The following CRADD variants were observed in gnomAD, a reference collection of about 807,000 sequenced individuals.
CRADD encodes death domain-containing protein CRADD.
A neutral mutation model predicts 15.5 loss-of-function variants in CRADD; 9 were observed. The ratio of observed to expected loss-of-function variants is 0.58; its 90% CI spans 0.35 to 1.01. The LOEUF is 1.01. CRADD is among the 50% of genes least tolerant of loss of function. The pLI is 0.02. For missense variants in CRADD, 227 were observed against 250.3 expected (o/e 0.91, Z 0.63); for synonymous variants, 118 against 107.6 (o/e 1.10, Z -0.60).
chr12:93,819,731 G>A (rs1475913982), intron 2 of CRADD, among the ~76,000 whole-genome samples: 1 of 152,246 alleles, frequency 6.6e-6, no homozygotes, highest in Non-Finnish European at 1.5e-5. Flanking sequence ...TAAGAGGGCA[G>A]GGAGCTGACT....
intron 2 of CRADD, among the ~76,000 whole-genome samples, chr12:93,813,202 C>G (rs1253307775): frequency 6.6e-6 from 1 of 152,198 alleles, no homozygotes; most frequent in Non-Finnish European, 1.5e-5. Context: ...AGTCCCTTTC[C>G]TTTTATCACT....
At chr12:93,878,838 A>G (rs1048843292) in intron 2 of CRADD, among the ~76,000 whole-genome samples, 1 of 152,142 alleles carries the variant, frequency 6.6e-6, no homozygotes, top group African/African-American at 2.4e-5. Context: ...TGGCTCTTTC[A>G]TCGGTATGAA....
intron 2 of CRADD, among the ~76,000 whole-genome samples, chr12:93,700,169 A>G (rs1380707767): frequency 6.6e-6 from 1 of 152,182 alleles, no homozygotes; most frequent in Non-Finnish European, 1.5e-5. Context: ...AGTTTTTCTC[A>G]CTAAATCTAG....
intron 2 of CRADD, among the ~76,000 whole-genome samples, chr12:93,757,746 A>T (rs1207669541): frequency 6.6e-6 from 1 of 152,214 alleles, no homozygotes; most frequent in East Asian, 1.9e-4. Context: ...TCTGTAGGAA[A>T]AGAATTGTTA....
Position 93,689,056 on chromosome 12 carries a change from T to C in CRADD, c.298+9984T>C, listed in dbSNP as rs12302454. ...AAGACCATACGGTGGGGAGGGGTCA[T>C]GGAACAGAGCCCCTGAATCTCTCCC... On this transcript the variant is annotated intron_variant, in intron 2 of 2. Coordinates refer to ENST00000332896, the MANE Select transcript of CRADD (RefSeq NM_003805.5). 9.2e-3 allele frequency among the ~76,000 whole-genome samples: 1,400 copies of C among 152,244 alleles called. 15 individuals are homozygous for C. Among genetic ancestry groups the C allele is most frequent in the African/African-American group, 0.032 (1,342 of 41,530 alleles).
At chr12:93,880,845 C>T (rs1383857283) in intron 2 of CRADD, among the ~76,000 whole-genome samples, 2 of 152,180 alleles carry the variant, frequency 1.3e-5, no homozygotes, top group African/African-American at 2.4e-5. Context: ...TCTAGTTGAC[C>T]TTTGTTGATA....
intron 2 of CRADD, among the ~76,000 whole-genome samples, chr12:93,865,902 G>A (rs191820016): frequency 6.6e-6 from 1 of 152,056 alleles, no homozygotes; most frequent in African/African-American, 2.4e-5. Flanking sequence ...GAGCTTATAT[G>A]TCTGGAAAAG....
intron 2 of CRADD, among the ~76,000 whole-genome samples, chr12:93,744,465 C>G (rs1299106431): frequency 6.6e-6 from 1 of 152,104 alleles, no homozygotes; most frequent in African/African-American, 2.4e-5. Flanking sequence ...TTACAGTGGC[C>G]CAACTGGATA....
intron 2 of CRADD, chr12:93,848,880 C>T (rs1250287345): frequency 6.6e-6 from 1 of 152,200 alleles, no homozygotes; most frequent in Admixed American, 6.5e-5. Flanking sequence ...GAATCTAGTT[C>T]AGGAAGTGTA....
intron 2 of CRADD, among the ~76,000 whole-genome samples, chr12:93,781,983 C>A (rs1957215297): frequency 6.6e-6 from 1 of 152,078 alleles, no homozygotes; most frequent in Non-Finnish European, 1.5e-5. Flanking sequence ...CCCAGCCATC[C>A]CATTACTGGG....
At chr12:93,830,369 T>C (rs1012585924) in intron 2 of CRADD, among the ~76,000 whole-genome samples, 1 of 152,194 alleles carries the variant, frequency 6.6e-6, no homozygotes. Context: ...TAGTGGAACA[T>C]GAAATCAATT....
chr12:93,870,386 G>A (rs934543638), intron 2 of CRADD, among the ~76,000 whole-genome samples: 9 of 152,176 alleles, frequency 5.9e-5, no homozygotes, highest in African/African-American at 1.9e-4. Context: ...CCCTGAGAAT[G>A]TGCAACTAAG....
chr12:93,862,200 C>T (rs1056272553), intron 2 of CRADD, among the ~76,000 whole-genome samples: 1 of 152,150 alleles, frequency 6.6e-6, no homozygotes, highest in Non-Finnish European at 1.5e-5. Flanking sequence ...TAGCCATCAG[C>T]ACGTCCACCA....
intron 2 of CRADD, among the ~76,000 whole-genome samples, chr12:93,750,855 A>AG (rs1956820920): frequency 6.6e-6 from 1 of 152,224 alleles, no homozygotes; most frequent in African/African-American, 2.4e-5. Context: ...ATGTCACAAT[A>AG]AGGGAAATTA....
chr12:93,819,691 A>G (rs1019118454), intron 2 of CRADD, among the ~76,000 whole-genome samples: 9 of 152,368 alleles, frequency 5.9e-5, no homozygotes, highest in Middle Eastern at 3.4e-3. Context: ...TAGGGCAAAC[A>G]CTATAGAAGT....
chr12:93,758,556 CT>C (rs1956916278), intron 2 of CRADD, among the ~76,000 whole-genome samples: 1 of 151,794 alleles, frequency 6.6e-6, no homozygotes, highest in African/African-American at 2.4e-5. Context: ...ATAATTATGA[CT>C]TTTAATTCTT....
chr12:93,686,302 C>CA (rs1565870778), intron 2 of CRADD, among the ~76,000 whole-genome samples: 1 of 72,500 alleles, frequency 1.4e-5, no homozygotes, highest in Non-Finnish European at 3.0e-5. Context: ...CTCCATCCCC[C>CA]CCAAAAAAAA....
intron 2 of CRADD, among the ~76,000 whole-genome samples, chr12:93,723,751 G>A (rs1565888436): frequency 1.3e-5 from 2 of 152,178 alleles, no homozygotes; most frequent in Non-Finnish European, 1.5e-5. Flanking sequence ...CTATGAGTAG[G>A]TCTCAGTCTT....
At chr12:93,792,734 G>A (rs998291417) in intron 2 of CRADD, among the ~76,000 whole-genome samples, 1 of 152,118 alleles carries the variant, frequency 6.6e-6, no homozygotes, top group African/African-American at 2.4e-5. Context: ...AATTACAGAC[G>A]AGGAAACTGA....
Sources: gnomAD v4.1 joint callset for allele counts (sites outside exome capture counted in the v4.1 genomes callset) on GRCh38, gnomAD v4.1.1 for gene constraint, MANE v1.5 for transcripts, NCBI Gene and HGNC (gene_info 2026-07-23, HGNC 2026-07-21) for gene names.